Variants in TMEM132D observed in about 807,000 individuals in gnomAD.
TMEM132D encodes the protein mature OL transmembrane protein.
A neutral mutation model predicts 62.3 loss-of-function variants in TMEM132D; 21 were observed. That is an observed-to-expected ratio of 0.34 (90% CI 0.24 to 0.49). The LOEUF is 0.49. Among genes scored for constraint, TMEM132D ranks in the 20% least tolerant of loss-of-function variants. The pLI is 0.99. For missense variants in TMEM132D, 1,346 were observed against 1,402.8 expected, an observed-to-expected ratio of 0.96 and a Z score of 0.65; for synonymous variants, 621 against 575.6, an observed-to-expected ratio of 1.08 and a Z score of -1.13.
intron 3 of TMEM132D, among the ~76,000 whole-genome samples, chr12:129,380,984 G>A (rs993178307): frequency 6.6e-6 from 1 of 152,130 alleles, no homozygotes; most frequent in African/African-American, 2.4e-5. Context: ...GTGTCAGATG[G>A]CTGTTTGGAT....
chr12:129,661,518 C>T (rs972461651), intron 2 of TMEM132D, among the ~76,000 whole-genome samples: 4 of 152,180 alleles, frequency 2.6e-5, no homozygotes, highest in Admixed American at 2.6e-4. Flanking sequence ...AAGTGGACCT[C>T]CATGTTATTA....
At position 129,849,259 on chromosome 12, in the gene TMEM132D, A is replaced by G. The variant is rs186058316; in HGVS notation, c.79+54002T>C. On this transcript the variant is annotated intron_variant, in intron 1 of 8. Transcript: ENST00000422113. ...AAGTGTATCCCATTTTGACATCTCT[A>G]TATATAAATACGCTGCTTTTTAAAA... 1.0e-3 allele frequency among the ~76,000 whole-genome samples: 159 copies of G among 152,320 alleles called. 2 individuals are homozygous for G. The highest frequency in any genetic ancestry group is 3.7e-3 in the African/African-American group (152 of 41,574).
At chr12:129,684,798 G>C (rs192931966) in intron 2 of TMEM132D, among the ~76,000 whole-genome samples, 43 of 152,162 alleles carry the variant, frequency 2.8e-4, no homozygotes, top group Admixed American at 2.6e-3. Flanking sequence ...AGTCCAAGCA[G>C]AGGTGGTCTC....
intron 4 of TMEM132D, among the ~76,000 whole-genome samples, chr12:129,275,095 C>T (rs2135603998): frequency 6.6e-6 from 1 of 152,140 alleles, no homozygotes; most frequent in Middle Eastern, 3.4e-3. Context: ...GCCTGGTCAA[C>T]AGTGTGAGAC....
chr12:129,302,036 T>C (rs1881728247), intron 4 of TMEM132D, among the ~76,000 whole-genome samples: 2 of 152,188 alleles, frequency 1.3e-5, no homozygotes, highest in South Asian at 2.1e-4. Context: ...CTACTGTGAA[T>C]CCCAGTGGTT....
At chr12:129,254,507 C>G (rs1186122904) in intron 4 of TMEM132D, among the ~76,000 whole-genome samples, 1 of 152,122 alleles carries the variant, frequency 6.6e-6, no homozygotes, top group Non-Finnish European at 1.5e-5. Context: ...CTCTAAGCCT[C>G]AGATCCCTCA....
intron 5 of TMEM132D, chr12:129,110,569 C>G (rs76455719): frequency 1.3e-5 from 2 of 152,188 alleles, no homozygotes; most frequent in African/African-American, 4.8e-5. Flanking sequence ...AAACATAACA[C>G]ACTGCCCCAG....
At position 129,298,520 on chromosome 12, in the gene TMEM132D, C is replaced by T. The variant is rs1032016940; in HGVS notation, c.1299+39114G>A. 3.3e-5 allele frequency among the ~76,000 whole-genome samples: 5 copies of T among 152,058 alleles called. 1 individual carries two copies. Among genetic ancestry groups the T allele is most frequent in the South Asian group, 4.1e-4 (2 of 4,826 alleles). On this transcript the variant is annotated intron_variant, in intron 4 of 8. Transcript: ENST00000422113. ...TAATATAAAAGGCCTCACTGTTAAC[C>T]GTCATCACCCCACCATGCAGTAAAA...
chr12:129,391,844 C>T (rs1293089965), intron 3 of TMEM132D, among the ~76,000 whole-genome samples: 1 of 152,090 alleles, frequency 6.6e-6, no homozygotes, highest in Non-Finnish European at 1.5e-5. Flanking sequence ...GCAATCTCTG[C>T]CTCCCGGGTT....
At chr12:129,713,117 TAGC>T (rs1395583787) in intron 1 of TMEM132D, among the ~76,000 whole-genome samples, 2 of 152,134 alleles carry the variant, frequency 1.3e-5, no homozygotes, top group African/African-American at 2.4e-5. Context: ...TTCACACAAG[TAGC>T]AGCAGCACCT....
intron 1 of TMEM132D, among the ~76,000 whole-genome samples, chr12:129,806,559 G>C (rs1871989452): frequency 9.3e-6 from 1 of 106,960 alleles, no homozygotes; most frequent in Non-Finnish European, 1.8e-5. Context: ...GGGGGGAGGG[G>C]GGAGGGATAG....
chr12:129,719,086 A>G (rs1385142074), intron 1 of TMEM132D, among the ~76,000 whole-genome samples: 1 of 44,312 alleles, frequency 2.3e-5, no homozygotes, highest in Non-Finnish European at 6.6e-5. Context: ...AAAAAATGAA[A>G]AAAAAAAAAA....
chr12:129,251,096 G>C (rs1322720640), intron 4 of TMEM132D, among the ~76,000 whole-genome samples: 1 of 152,082 alleles, frequency 6.6e-6, no homozygotes, highest in African/African-American at 2.4e-5. Context: ...CGTGGCTCAC[G>C]CCTGTAATCC....
chr12:129,516,419 C>T (rs963097031), intron 3 of TMEM132D, among the ~76,000 whole-genome samples: 3 of 152,210 alleles, frequency 2.0e-5, no homozygotes, highest in East Asian at 3.9e-4. Flanking sequence ...AATGGACTCA[C>T]AGTTCCACGT....
At chr12:129,537,325 A>T (rs906020826) in intron 2 of TMEM132D, among the ~76,000 whole-genome samples, 4 of 152,112 alleles carry the variant, frequency 2.6e-5, no homozygotes, top group Non-Finnish European at 5.9e-5. Flanking sequence ...CCAAGTCCTG[A>T]TTTTAGTTGA....
At chr12:129,741,194 C>T (rs1016160556) in intron 1 of TMEM132D, among the ~76,000 whole-genome samples, 3 of 152,166 alleles carry the variant, frequency 2.0e-5, no homozygotes, top group Non-Finnish European at 4.4e-5. Context: ...ATTTTTGAAA[C>T]ATCAAGAGAT....
chr12:129,892,346 A>T (rs915153864), intron 1 of TMEM132D, among the ~76,000 whole-genome samples: 5 of 152,170 alleles, frequency 3.3e-5, no homozygotes, highest in Non-Finnish European at 5.9e-5. Context: ...ATCTCTACCA[A>T]TCTTTCTTGA....
intron 3 of TMEM132D, among the ~76,000 whole-genome samples, chr12:129,363,507 C>T (rs1027418381): frequency 1.3e-5 from 2 of 152,120 alleles, no homozygotes; most frequent in African/African-American, 4.8e-5. Context: ...TTCTCAACTC[C>T]CATCTGATAT....
intron 3 of TMEM132D, 54 bp downstream of exon 3, chr12:129,531,005 A>C (rs1876201989): frequency 6.6e-7 from 1 of 1,504,358 alleles, no homozygotes; most frequent in Non-Finnish European, 8.9e-7. Flanking sequence ...AAAAAAAAAA[A>C]TCAGGCCACA....
Sources: gnomAD v4.1 joint callset for allele counts (sites outside exome capture counted in the v4.1 genomes callset) on GRCh38, gnomAD v4.1.1 for gene constraint, MANE v1.5 for transcripts, NCBI Gene and HGNC (gene_info 2026-07-23, HGNC 2026-07-21) for gene names.